PKP4: variants seen among roughly 807,000 people sequenced by gnomAD.
The protein encoded by PKP4 is plakophilin 4, also known as plakophilin-4.
PKP4 carries 90 observed loss-of-function variants against 145.1 expected under a neutral mutation model. That is an observed-to-expected ratio of 0.62 (90% CI 0.52 to 0.74). The LOEUF is 0.74. PKP4 is among the 30% of genes least tolerant of loss of function. The pLI is 0.00. For missense variants in PKP4, 1,340 were observed against 1,482.7 expected (o/e 0.90, Z 1.58); for synonymous variants, 563 against 577.2 (o/e 0.98, Z 0.35).
intron 3 of PKP4, among the ~76,000 whole-genome samples, chr2:158,590,534 A>G (rs149813246): frequency 1.6e-4 from 24 of 152,190 alleles, no homozygotes; most frequent in African/African-American, 5.5e-4. Context: ...AGAAAATTCA[A>G]GTAAAATTAT....
intron 9 of PKP4, 83 bp downstream of exon 9, chr2:158,634,372 T>C: frequency 2.1e-6 from 2 of 948,572 alleles, no homozygotes; most frequent in South Asian, 2.7e-5. Flanking sequence ...TTTAAGTTGC[T>C]AAGTCTATTA....
intron 3 of PKP4, among the ~76,000 whole-genome samples, chr2:158,579,233 G>A (rs2048121147): frequency 6.6e-6 from 1 of 152,074 alleles, no homozygotes. Context: ...GACAGAATAG[G>A]ACTTGTCAGT....
chr2:158,543,841 A>G (rs2044729414), intron 2 of PKP4, among the ~76,000 whole-genome samples: 1 of 152,164 alleles, frequency 6.6e-6, no homozygotes, highest in Non-Finnish European at 1.5e-5. Context: ...ACTCTTACCC[A>G]GAAAAGCAAG....
intron 1 of PKP4, among the ~76,000 whole-genome samples, chr2:158,468,220 A>C (rs189009602): frequency 6.6e-6 from 1 of 152,368 alleles, no homozygotes; most frequent in East Asian, 1.9e-4. Flanking sequence ...TCAGTAATCC[A>C]GCCATCTTTA....
At chr2:158,608,808 C>CTT (rs66933766) in intron 4 of PKP4, among the ~76,000 whole-genome samples, 20,848 of 86,712 alleles carry the variant, frequency 0.24, 3,201 homozygotes, top group Middle Eastern at 0.35. Context: ...TCTTTTCTTT[C>CTT]TTTTTTTTTT....
rs2056242517 is a variant in PKP4 at position 158,658,747 on chromosome 2, G to A, written c.2093+433G>A. 3.2e-5 allele frequency: 5 copies of A among 158,422 alleles called. No homozygotes were observed. The Admixed American group carries it at 3.2e-4, about 10-fold the overall frequency. The allele number at this position is 158,422 out of a possible 1,614,324, so 9.8% of individuals were successfully genotyped here. A position where few individuals can be genotyped will look rare whatever the true frequency, so the allele number is the denominator to read the frequency against. ...AAGTTGTATAAATAAGTGAAAATGA[G>A]CCCAAATACTTTTTTAGTCATTATC... On this transcript the variant is annotated intron_variant, in intron 12 of 21. Transcript: ENST00000389759.
chr2:158,676,794 A>G lies in PKP4; in HGVS notation c.3183A>G (p.Glu1061=), dbSNP rs1314667027. The change falls in exon 20 of 22, where the codon GAA becomes GAG. Residue 1061 remains glutamate, a synonymous_variant. Coordinates refer to ENST00000389759, the MANE Select transcript of PKP4 (RefSeq NM_003628.6). ...TAGGAATCAGAGACCCTCGCTCTGA[A>G]TACGATAGGACCCAGCCACCTATGC... ...ALLGIRDPRS[E]YDRTQPPMQY... 1 of 1,613,906 alleles carries G rather than the reference A, an allele frequency of 6.2e-7. No individual in the cohort carries two copies. The highest frequency in any genetic ancestry group is 8.5e-7 in the Non-Finnish European group (1 of 1,179,828).
intron 1 of PKP4, among the ~76,000 whole-genome samples, chr2:158,465,279 G>A (rs1242736451): frequency 6.6e-6 from 1 of 152,180 alleles, no homozygotes; most frequent in Non-Finnish European, 1.5e-5. Context: ...TGTATTACAT[G>A]ATAAATTACC....
chr2:158,667,689 G>A (rs1208407121), intron 16 of PKP4, among the ~76,000 whole-genome samples: 1 of 152,186 alleles, frequency 6.6e-6, no homozygotes, highest in Non-Finnish European at 1.5e-5. Context: ...TTGTTGCCCA[G>A]ATTAACCTGC....
At chr2:158,524,100 G>A (rs2042711194) in intron 1 of PKP4, among the ~76,000 whole-genome samples, 3 of 42,942 alleles carry the variant, frequency 7.0e-5, no homozygotes, top group African/African-American at 2.1e-4. Context: ...TAGCAAGGCA[G>A]GCCAACGTTC....
Position 158,577,349 on chromosome 2 carries a change from C to G in PKP4, c.211C>G (p.Leu71Val), listed in dbSNP as rs765798328. Reference sequence around the variant, plus strand: ...TGCCAGTCAGCTAGAAAGATGTAGGCTTGGAGCAGAATCACCAAGCATCGC... The same window carrying G: ...TGCCAGTCAGCTAGAAAGATGTAGGGTTGGAGCAGAATCACCAAGCATCGC... Reference protein sequence around the residue: ...IVASQLERCRLGAESPSIAST... With the variant: ...IVASQLERCRVGAESPSIAST... The change falls in exon 3 of 22, where the codon CTT becomes GTT. Residue 71 changes from leucine to valine, a missense_variant. Coordinates refer to ENST00000389759, the MANE Select transcript of PKP4 (RefSeq NM_003628.6). The G allele has an allele frequency of 1.3e-5, 21 of 1,613,328 alleles. No individual in the cohort carries two copies. In the South Asian group the frequency reaches 2.0e-4, roughly 15 times the overall value.
At chr2:158,477,639 TG>T (rs1203323596) in intron 1 of PKP4, among the ~76,000 whole-genome samples, 1 of 152,182 alleles carries the variant, frequency 6.6e-6, no homozygotes, top group Non-Finnish European at 1.5e-5. Context: ...ATTGATCAAC[TG>T]GGATTAGGCT....
chr2:158,675,639 C>A (rs182262083), intron 19 of PKP4, among the ~76,000 whole-genome samples: 1 of 152,172 alleles, frequency 6.6e-6, no homozygotes, highest in African/African-American at 2.4e-5. Flanking sequence ...GATCTGCTTC[C>A]GGGCATGTCT....
rs547322020 is a variant in PKP4 at position 158,613,142 on chromosome 2, A to G, written c.281-7848A>G. On this transcript the variant is annotated intron_variant, in intron 4 of 21. Transcript: ENST00000389759. ...GACGCCCAGGCATCACCCCCACACA[A>G]TTTAGTTCGAAAGTCTGAGTTGGGA... 5.3e-5 allele frequency among the ~76,000 whole-genome samples: 8 copies of G among 152,156 alleles called. No individual in the cohort carries two copies. In the East Asian group the frequency reaches 1.4e-3, roughly 26 times the overall value.
intron 6 of PKP4, among the ~76,000 whole-genome samples, chr2:158,623,510 GTC>G (rs2052462789): frequency 6.6e-6 from 1 of 152,046 alleles, no homozygotes. Context: ...CTTTCCAGCT[GTC>G]TACTAATTTT....
chr2:158,489,111 A>T (rs1694578197), intron 1 of PKP4, among the ~76,000 whole-genome samples: 2 of 152,208 alleles, frequency 1.3e-5, no homozygotes, highest in Non-Finnish European at 2.9e-5. Flanking sequence ...TTACATTTTG[A>T]TAAGATTTTA....
chr2:158,462,604 C>G (rs1465297331), intron 1 of PKP4, among the ~76,000 whole-genome samples: 1 of 152,190 alleles, frequency 6.6e-6, no homozygotes, highest in Non-Finnish European at 1.5e-5. Flanking sequence ...TGCCTCTACC[C>G]TAGTCTGAGA....
chr2:158,679,784 C>G (rs1241726703), intron 21 of PKP4, among the ~76,000 whole-genome samples: 1 of 152,202 alleles, frequency 6.6e-6, no homozygotes, highest in Admixed American at 6.5e-5. Context: ...CCTCTAGAAC[C>G]ATATTTGCTC....
intron 1 of PKP4, among the ~76,000 whole-genome samples, chr2:158,530,179 G>A (rs1016351251): frequency 6.6e-6 from 1 of 152,094 alleles, no homozygotes; most frequent in Non-Finnish European, 1.5e-5. Context: ...ACTTTTCTGT[G>A]GTGCCCCATT....
Sources: gnomAD v4.1 joint callset for allele counts (sites outside exome capture counted in the v4.1 genomes callset) on GRCh38, gnomAD v4.1.1 for gene constraint, MANE v1.5 for transcripts, NCBI Gene and HGNC (gene_info 2026-07-23, HGNC 2026-07-21) for gene names.